The following PLPPR1 variants were observed in gnomAD, a reference collection of about 807,000 sequenced individuals.
The protein encoded by PLPPR1 is phospholipid phosphatase-related protein type 1.
PLPPR1 carries 10 observed loss-of-function variants against 33.1 expected under a neutral mutation model. That is an observed-to-expected ratio of 0.30 (90% CI 0.19 to 0.51). The LOEUF (loss-of-function observed/expected upper bound fraction) is 0.51. PLPPR1 is among the 20% of genes least tolerant of loss of function. The pLI, the probability that PLPPR1 is intolerant of heterozygous loss-of-function variation, is 0.97. For synonymous variants in PLPPR1, 151 were observed against 151.0 expected, an observed-to-expected ratio of 1.00 and a Z score of 0.00; for missense variants, 304 against 408.1, an observed-to-expected ratio of 0.74 and a Z score of 2.20.
intron 2 of PLPPR1, among the ~76,000 whole-genome samples, chr9:101,211,464 G>A (rs77507850): frequency 0.027 from 4,107 of 152,260 alleles, 184 homozygotes; most frequent in African/African-American, 0.093. Flanking sequence ...CAGTCCCATG[G>A]TGTGCATCAT....
chr9:101,251,506 C>G (rs2118865941), intron 2 of PLPPR1, among the ~76,000 whole-genome samples: 1 of 152,232 alleles, frequency 6.6e-6, no homozygotes, highest in African/African-American at 2.4e-5. Flanking sequence ...TAGATTACCA[C>G]CAGGGTCAAT....
At chr9:101,306,531 C>T (rs1349594399) in intron 4 of PLPPR1, among the ~76,000 whole-genome samples, 1 of 152,204 alleles carries the variant, frequency 6.6e-6, no homozygotes, top group African/African-American at 2.4e-5. Context: ...ACAGCAATCA[C>T]AACAAGGACA....
At chr9:101,318,250 C>A (rs1311899917) in intron 7 of PLPPR1, among the ~76,000 whole-genome samples, 1 of 152,018 alleles carries the variant, frequency 6.6e-6, no homozygotes, top group Non-Finnish European at 1.5e-5. Flanking sequence ...ATCAGAGGTG[C>A]ACAAAGTGCT....
At chr9:101,149,786 A>C (rs1416555966) in intron 1 of PLPPR1, among the ~76,000 whole-genome samples, 1 of 152,160 alleles carries the variant, frequency 6.6e-6, no homozygotes, top group Admixed American at 6.6e-5. Flanking sequence ...ATACTATGTC[A>C]GGCTTTCCTA....
chr9:101,152,958 G>A (rs561556482), intron 1 of PLPPR1, among the ~76,000 whole-genome samples: 83 of 152,284 alleles, frequency 5.5e-4, no homozygotes, highest in Non-Finnish European at 1.1e-3. Flanking sequence ...AGCTTGATGG[G>A]GATGGCATTG....
chr9:101,296,855 G>C (rs1283854210), intron 4 of PLPPR1, among the ~76,000 whole-genome samples: 1 of 151,926 alleles, frequency 6.6e-6, no homozygotes, highest in South Asian at 2.1e-4. Context: ...TAAATGACGA[G>C]TTAATGGGTG....
chr9:101,113,206 CTT>C (rs34152471), intron 1 of PLPPR1, among the ~76,000 whole-genome samples: 1,519 of 144,160 alleles, frequency 0.011, 15 homozygotes, highest in Admixed American at 0.027. Flanking sequence ...CATATTAATC[CTT>C]TTTTTTTTTT....
chr9:101,321,408 G>C (rs7022574), intron 7 of PLPPR1, among the ~76,000 whole-genome samples: 2 of 151,862 alleles, frequency 1.3e-5, no homozygotes, highest in Non-Finnish European at 1.5e-5. Flanking sequence ...ATTGAGATGG[G>C]GTGCATTTTC....
At chr9:101,213,623 T>C (rs557663778) in intron 2 of PLPPR1, among the ~76,000 whole-genome samples, 13 of 152,290 alleles carry the variant, frequency 8.5e-5, no homozygotes, top group African/African-American at 2.6e-4. Flanking sequence ...TTAGGATATA[T>C]CTTAGCATTT....
chr9:101,131,745 A>G (rs951712957), intron 1 of PLPPR1: 2 of 152,210 alleles, frequency 1.3e-5, no homozygotes, highest in Admixed American at 1.3e-4. Context: ...TTCTAGAGAA[A>G]CAGGTAGTGA....
At chr9:101,302,992 G>T (rs1197263380) in intron 4 of PLPPR1, among the ~76,000 whole-genome samples, 1 of 152,132 alleles carries the variant, frequency 6.6e-6, no homozygotes, top group Non-Finnish European at 1.5e-5. Context: ...TTGTTATTTT[G>T]TTTTTGTTTT....
intron 7 of PLPPR1, among the ~76,000 whole-genome samples, chr9:101,320,183 C>G (rs988052318): frequency 1.3e-5 from 2 of 152,180 alleles, no homozygotes; most frequent in Non-Finnish European, 2.9e-5. Context: ...TCAAACCTGT[C>G]AACAGATCTT....
chr9:101,268,926 A>T (rs1828046433), intron 2 of PLPPR1, among the ~76,000 whole-genome samples: 1 of 152,184 alleles, frequency 6.6e-6, no homozygotes, highest in Non-Finnish European at 1.5e-5. Context: ...GGTCAGTTCC[A>T]CTTTCCTCAT....
At chr9:101,156,552 C>CAAAAAAAAAAAAAAAAAA (rs1162056636) in intron 1 of PLPPR1, among the ~76,000 whole-genome samples, 1 of 71,326 alleles carries the variant, frequency 1.4e-5, no homozygotes, top group Admixed American at 1.6e-4. Context: ...ACCCTGTCTC[C>CAAAAAAAAAAAAAAAAAA]AAAAAAAAAA....
chr9:101,164,792 G>GTGTT (rs901805759), intron 1 of PLPPR1, among the ~76,000 whole-genome samples: 2 of 152,098 alleles, frequency 1.3e-5, no homozygotes, highest in African/African-American at 2.4e-5. Flanking sequence ...GTTTTTCAGG[G>GTGTT]TGTTTGTTTG....
chr9:101,136,103 T>A (rs1588042684), intron 1 of PLPPR1, among the ~76,000 whole-genome samples: 1 of 152,358 alleles, frequency 6.6e-6, no homozygotes, highest in East Asian at 1.9e-4. Flanking sequence ...GTTAATTACT[T>A]CAGAGTTCTT....
chr9:101,133,753 C>T (rs1831345335), intron 1 of PLPPR1, among the ~76,000 whole-genome samples: 1 of 152,132 alleles, frequency 6.6e-6, no homozygotes, highest in Non-Finnish European at 1.5e-5. Context: ...TTGAGTTTAT[C>T]CCTGTAGGAA....
At chr9:101,157,131 C>G (rs1831705853) in intron 1 of PLPPR1, among the ~76,000 whole-genome samples, 1 of 152,164 alleles carries the variant, frequency 6.6e-6, no homozygotes, top group African/African-American at 2.4e-5. Flanking sequence ...TTTGAAATGA[C>G]AGATTCTAAA....
At chr9:101,061,421 T>C (rs534671453) in intron 1 of PLPPR1, among the ~76,000 whole-genome samples, 28 of 152,000 alleles carry the variant, frequency 1.8e-4, no homozygotes, top group African/African-American at 6.0e-4. Context: ...CTTTCAGGAA[T>C]TGAAGATTTT....
Sources: allele counts gnomAD v4.1 joint callset (sites outside exome capture counted in the v4.1 genomes callset), GRCh38; gene constraint gnomAD v4.1.1; transcripts MANE v1.5; gene names NCBI Gene and HGNC (gene_info 2026-07-23, HGNC 2026-07-21).